The following DOCK7 variants were observed in gnomAD, a reference collection of about 807,000 sequenced individuals.
DOCK7 encodes the protein dedicator of cytokinesis protein 7.
Under a neutral mutation model 271.0 loss-of-function variants are expected in DOCK7, and 138 were observed. The observed-to-expected ratio is 0.51, with a 90% CI of 0.44 to 0.59. DOCK7 has a LOEUF of 0.59. DOCK7 is among the 20% of genes least tolerant of loss of function. The probability of loss-of-function intolerance (pLI) is 0.00; values close to 1 mark genes in which losing one functional copy is unlikely to be tolerated. For synonymous variants in DOCK7, 823 were observed against 876.1 expected, an observed-to-expected ratio of 0.94 and a Z score of 1.07; for missense variants, 2,066 against 2,592.4, an observed-to-expected ratio of 0.80 and a Z score of 4.41.
chr1:62,661,510 T>G (rs1324980200), intron 2 of DOCK7, among the ~76,000 whole-genome samples: 4 of 151,972 alleles, frequency 2.6e-5, no homozygotes, highest in Admixed American at 6.6e-5. Context: ...ATATAAATAT[T>G]TTTTTAAATT....
chr1:62,573,313 T>C (rs1442660343), intron 18 of DOCK7, among the ~76,000 whole-genome samples: 1 of 152,190 alleles, frequency 6.6e-6, no homozygotes, highest in Non-Finnish European at 1.5e-5. Flanking sequence ...ACGATGATGC[T>C]GGAGAAGTGG....
At chr1:62,514,038 A>C in intron 31 of DOCK7, 140 bp from the exon 32 acceptor site, 1 of 707,872 alleles carries the variant, frequency 1.4e-6, no homozygotes, top group Non-Finnish European at 2.2e-6. Flanking sequence ...TGATTCAGAC[A>C]ACACTTGTAC....
intron 14 of DOCK7, chr1:62,605,784 A>ATTTAT (rs1234933149): frequency 1.3e-5 from 2 of 152,274 alleles, no homozygotes; most frequent in Non-Finnish European, 2.9e-5. Flanking sequence ...CCAGTCCCTA[A>ATTTAT]ATTATAGAAA....
intron 1 of DOCK7, among the ~76,000 whole-genome samples, chr1:62,681,871 C>T (rs1216751152): frequency 6.6e-6 from 1 of 152,056 alleles, no homozygotes; most frequent in African/African-American, 2.4e-5. Flanking sequence ...ACACACAATA[C>T]GATTCCACCC....
intron 22 of DOCK7, 61 bp from the exon 23 acceptor site, chr1:62,545,100 A>G: frequency 1.4e-6 from 2 of 1,383,110 alleles, no homozygotes; most frequent in South Asian, 2.7e-5. Flanking sequence ...CATGCTATAA[A>G]TTATTCTTAA....
At chr1:62,594,213 A>G (rs896741775) in intron 14 of DOCK7, among the ~76,000 whole-genome samples, 2 of 152,128 alleles carry the variant, frequency 1.3e-5, no homozygotes, top group South Asian at 4.1e-4. Context: ...TGCTTTTAGC[A>G]GTGTGTACTC....
intron 14 of DOCK7, chr1:62,608,035 T>G (rs1651256580): frequency 6.6e-6 from 1 of 152,090 alleles, no homozygotes; most frequent in African/African-American, 2.4e-5. Flanking sequence ...CGAACCATGA[T>G]CCTAACACTG....
intron 45 of DOCK7, 62 bp from the exon 46 acceptor site, chr1:62,476,005 C>A (rs533557083): frequency 1.4e-4 from 217 of 1,601,992 alleles, no homozygotes; most frequent in Admixed American, 3.7e-4. Flanking sequence ...CTTTCTCAAA[C>A]AAAATTGCAC....
chr1:62,660,768 T>G (rs1412510294), intron 2 of DOCK7, among the ~76,000 whole-genome samples: 1 of 152,144 alleles, frequency 6.6e-6, no homozygotes, highest in Admixed American at 6.5e-5. Flanking sequence ...ATAAACAAAA[T>G]GTGGCATATA....
intron 1 of DOCK7, among the ~76,000 whole-genome samples, chr1:62,672,439 A>C (rs755841547): frequency 6.6e-6 from 1 of 152,132 alleles, no homozygotes; most frequent in Non-Finnish European, 1.5e-5. Flanking sequence ...AAATTTCAAG[A>C]GTTTCACATA....
chr1:62,647,195 G>C (rs1358088460), intron 7 of DOCK7, among the ~76,000 whole-genome samples: 2 of 152,098 alleles, frequency 1.3e-5, no homozygotes, highest in Non-Finnish European at 2.9e-5. Context: ...ATAAGAGAAA[G>C]CACTTTGTAA....
At chr1:62,599,354 T>C (rs1649771051) in intron 14 of DOCK7, among the ~76,000 whole-genome samples, 2 of 152,008 alleles carry the variant, frequency 1.3e-5, no homozygotes, top group African/African-American at 2.4e-5. Flanking sequence ...TCTTCTGCCC[T>C]GGTATCTACG....
chr1:62,582,343 G>C (rs936093202), intron 16 of DOCK7, among the ~76,000 whole-genome samples: 11 of 151,470 alleles, frequency 7.3e-5, no homozygotes, highest in Non-Finnish European at 1.3e-4. Context: ...GAGGTCAGGA[G>C]ATCGAGACCA....
intron 48 of DOCK7, among the ~76,000 whole-genome samples, chr1:62,468,615 G>A (rs962804827): frequency 2.0e-5 from 3 of 152,128 alleles, no homozygotes; most frequent in African/African-American, 7.2e-5. Context: ...TAAAGATGAA[G>A]TCAAGCTGTC....
intron 14 of DOCK7, among the ~76,000 whole-genome samples, chr1:62,615,704 T>G (rs1448149675): frequency 6.6e-6 from 1 of 151,742 alleles, no homozygotes; most frequent in Non-Finnish European, 1.5e-5. Flanking sequence ...ATGGTTATTC[T>G]ATAAACATTT....
chr1:62,622,712 C>T (rs1176859571), intron 12 of DOCK7, among the ~76,000 whole-genome samples: 2 of 152,164 alleles, frequency 1.3e-5, no homozygotes, highest in African/African-American at 4.8e-5. Context: ...GGACGGATCA[C>T]AAGGTTAGGA....
At position 62,631,300 on chromosome 1, in the gene DOCK7, T is replaced by C; in HGVS notation, c.1222A>G (p.Ile408Val). Residue 408 changes from isoleucine (I) to valine (V), a missense_variant, in exon 11 of 50, where the codon ATT becomes GTT. Physicochemically the swap from Ile to Val is conservative, Grantham distance 29. This residue lies in a region of DOCK7 where 1,414 missense variants were observed against 1,670.4 expected (regional missense o/e 0.85). Transcript: ENST00000635253. ...FAWTAIHLMN[I>V]VSSAGSLERD... Reference sequence around the variant, plus strand: ...TCCAAACTCCCAGCACTGCTAACAATATTCATTAAATGGATTGCAGTCCAA... The same window carrying C: ...TCCAAACTCCCAGCACTGCTAACAACATTCATTAAATGGATTGCAGTCCAA... 1 of 1,613,596 alleles carries C rather than the reference T, an allele frequency of 6.2e-7. No individual in the cohort carries two copies. Among genetic ancestry groups the C allele is most frequent in the Non-Finnish European group, 8.5e-7 (1 of 1,179,844 alleles).
chr1:62,616,391 TAAAC>T (rs1403356220), intron 14 of DOCK7, among the ~76,000 whole-genome samples: 2 of 151,760 alleles, frequency 1.3e-5, no homozygotes, highest in Non-Finnish European at 3.0e-5. Flanking sequence ...TAAAAAAAAT[TAAAC>T]AAATATAAAT....
intron 7 of DOCK7, among the ~76,000 whole-genome samples, chr1:62,640,556 G>C (rs1655892845): frequency 6.6e-6 from 1 of 152,122 alleles, no homozygotes. Context: ...GTGTGTGTGT[G>C]TATTTGTTCC....
Sources: allele counts gnomAD v4.1 joint callset (sites outside exome capture counted in the v4.1 genomes callset), GRCh38; gene constraint gnomAD v4.1.1; regional missense constraint gnomAD v4.1.1; transcripts MANE v1.5; gene names NCBI Gene and HGNC (gene_info 2026-07-23, HGNC 2026-07-21).